PAXIP1: variants seen among roughly 807,000 people sequenced by gnomAD.
PAXIP1 encodes the protein PAX-interacting protein 1.
In PAXIP1, 19 loss-of-function variants were observed where a neutral mutation model predicts 140.6. The ratio of observed to expected loss-of-function variants is 0.14; its 90% CI spans 0.09 to 0.20. The LOEUF (loss-of-function observed/expected upper bound fraction) is 0.20. Ranked by LOEUF, PAXIP1 falls within the 10% of genes least tolerant of loss-of-function variation. The probability of loss-of-function intolerance (pLI) is 1.00; values close to 1 mark genes in which losing one functional copy is unlikely to be tolerated. For missense variants in PAXIP1, 920 were observed against 1,208.6 expected (o/e 0.76, Z 3.54); for synonymous variants, 442 against 444.6 (o/e 0.99, Z 0.07).
At chr7:155,002,475 G>A (rs1427586226) in intron 1 of PAXIP1, among the ~76,000 whole-genome samples, 1 of 152,020 alleles carries the variant, frequency 6.6e-6, no homozygotes, top group Non-Finnish European at 1.5e-5. Context: ...TCTCCCGGGA[G>A]CCGAGACGCC....
intron 2 of PAXIP1, among the ~76,000 whole-genome samples, chr7:154,995,607 T>C (rs796963205): frequency 6.6e-6 from 1 of 152,222 alleles, no homozygotes; most frequent in Non-Finnish European, 1.5e-5. Context: ...CTCAGCACTT[T>C]GGGAGGCCAA....
At position 154,990,037 on chromosome 7, in the gene PAXIP1, CTTTTTTTTTT is replaced by C. The variant is rs749788206; in HGVS notation, c.324+959_324+968del. Among the ~76,000 whole-genome samples the C allele has an allele frequency of 1.1e-4, 12 of 109,948 alleles. No individual in the cohort carries two copies. In the South Asian group the frequency reaches 1.9e-3, roughly 17 times the overall value. The allele number at this position is 109,948 out of a possible 152,430, so 72.1% of individuals were successfully genotyped here. A position where few individuals can be genotyped will look rare whatever the true frequency, so the allele number is the denominator to read the frequency against. ...TTCTATCGACTTGGGATAAGTTTCTCTTTTTTTTTTTTTTTTTTTTTGAGATGGAGTTTTG... is the reference window on the plus strand; with the variant it reads ...TTCTATCGACTTGGGATAAGTTTCTCTTTTTTTTTTTGAGATGGAGTTTTG... On this transcript the variant is annotated intron_variant, in intron 4 of 20. Transcript: ENST00000404141.
chr7:155,000,454 TGTAAACA>T (rs796690407), intron 1 of PAXIP1: 9 of 152,418 alleles, frequency 5.9e-5, no homozygotes, highest in African/African-American at 1.7e-4. Flanking sequence ...TCCCTCCACC[TGTAAACA>T]GTAAAGTCAC....
At chr7:154,944,463 A>G (rs1373510489) in intron 20 of PAXIP1, 1 of 232,040 alleles carries the variant, frequency 4.3e-6, no homozygotes, top group East Asian at 9.3e-5. Flanking sequence ...ATTAACATGT[A>G]CAACACACAA....
rs1808469128 is a variant in PAXIP1, at chr7:154,955,587, A to C, written c.2594T>G (p.Leu865Trp). The change falls in exon 15 of 21, where the codon TTG becomes TGG. Residue 865 changes from leucine (L) to tryptophan (W), a missense_variant. Leu to Trp is a moderately conservative substitution (Grantham distance 61). Coordinates refer to ENST00000404141, the MANE Select transcript of PAXIP1 (RefSeq NM_007349.4). ...TCCAGTGAAAAGCACAAAAGGGGTC[A>C]ATTCTGGAGTTAGCTTTTTAGTGGG... is the stretch of plus-strand genomic sequence containing the variant. ...PPPTKKLTPE[L>W]TPFVLFTGFE... 6 of 1,602,756 alleles carry C rather than the reference A, an allele frequency of 3.7e-6. No individual in the cohort carries two copies. The highest frequency in any genetic ancestry group is 5.1e-6 in the Non-Finnish European group (6 of 1,176,250).
intron 4 of PAXIP1, among the ~76,000 whole-genome samples, chr7:154,984,108 T>C (rs1809961332): frequency 6.6e-6 from 1 of 152,144 alleles, no homozygotes; most frequent in African/African-American, 2.4e-5. Flanking sequence ...GGAAACACAC[T>C]AAATTACACC....
In PAXIP1 at chr7:154,945,706, G is replaced by C. The variant is rs966974358; in HGVS notation, c.3194+659C>G. On this transcript the variant is annotated intron_variant, in intron 20 of 20. Transcript: ENST00000404141. ...AGGTGCTCTGCAATGGGAAACGGAA[G>C]TGGAAACAGAATTTTCCCATAAGGA... 12 of 985,302 alleles carry C rather than the reference G, an allele frequency of 1.2e-5. No homozygotes were observed. In the Admixed American group the frequency reaches 4.3e-4, roughly 35 times the overall value. The allele number at this position is 985,302 out of a possible 1,614,324, so 61.0% of individuals were successfully genotyped here.
At position 154,984,996 on chromosome 7, in the gene PAXIP1, G is replaced by A. The variant is rs570980463; in HGVS notation, c.325-1664C>T. Among the ~76,000 whole-genome samples, 11 of 152,234 alleles carry A rather than the reference G, an allele frequency of 7.2e-5. No individual in the cohort carries two copies. In the South Asian group the frequency reaches 8.3e-4, roughly 11 times the overall value. On this transcript the variant is annotated intron_variant, in intron 4 of 20. Coordinates refer to ENST00000404141, the MANE Select transcript of PAXIP1 (RefSeq NM_007349.4). ...AATGGAGGAGACCTGGCATTAATAC[G>A]ACGCCTCCAATAACTCGCTTATGTC...
At position 154,957,584 on chromosome 7, in the gene PAXIP1, T is replaced by C. The variant is rs114496888; in HGVS notation, c.2479-290A>G. Among the ~76,000 whole-genome samples the C allele has an allele frequency of 4.0e-3, 613 of 152,342 alleles. 4 individuals carry two copies. The highest frequency in any genetic ancestry group is 0.021 in the South Asian group (101 of 4,828). ...TTTAAATTATCTTTGTTGCTTTTTTTCCTCCATGTTATATATATGCAGCCC... is the reference window on the plus strand; with the variant it reads ...TTTAAATTATCTTTGTTGCTTTTTTCCCTCCATGTTATATATATGCAGCCC... On this transcript the variant is annotated intron_variant, in intron 13 of 20. Coordinates refer to ENST00000404141, the MANE Select transcript of PAXIP1 (RefSeq NM_007349.4).
chr7:154,975,156 C>CAA (rs61595965), intron 6 of PAXIP1, among the ~76,000 whole-genome samples: 2 of 106,878 alleles, frequency 1.9e-5, no homozygotes, highest in African/African-American at 3.6e-5. Flanking sequence ...GACTCCATCT[C>CAA]AAAAAAAAAA....
rs1000840923 is a variant in PAXIP1, at chr7:154,963,873, A to C, written c.1894-107T>G. The C allele has an allele frequency of 1.4e-6, 1 of 738,934 alleles. No homozygotes were observed. Among genetic ancestry groups the C allele is most frequent in the African/African-American group, 1.7e-5 (1 of 57,352 alleles). The allele number at this position is 738,934 out of a possible 1,614,324, so 45.8% of individuals were successfully genotyped here. ...AAAGACTCTATCATATATTTATATC[A>C]TGTATTTCCTCAAAGTATCAAGGAC... On this transcript the variant is annotated intron_variant, in intron 8 of 20. Coordinates refer to ENST00000404141, the MANE Select transcript of PAXIP1 (RefSeq NM_007349.4). The surrounding 1 kb of genome is among the most constrained non-coding windows in gnomAD (Gnocchi z 4.1).
At chr7:154,991,667 T>G (rs375240788) in intron 3 of PAXIP1, among the ~76,000 whole-genome samples, 1 of 152,218 alleles carries the variant, frequency 6.6e-6, no homozygotes, top group African/African-American at 2.4e-5. Flanking sequence ...TCTTAAAAAT[T>G]CATTCAAAAT....
chr7:154,954,177 G>T lies in PAXIP1; in HGVS notation c.2821+78C>A. On this transcript the variant is annotated intron_variant, in intron 16 of 20. Transcript: ENST00000404141. This position sits in a 1 kb window ranked among gnomAD's most constrained non-coding sequence, Gnocchi z 5.1. Reference sequence around the variant, plus strand: ...ATAGTTTAAAAATTAAATATTTGTTGGGATGAAAAGAGATGAATTCAAGAA... The same window carrying T: ...ATAGTTTAAAAATTAAATATTTGTTTGGATGAAAAGAGATGAATTCAAGAA... 2.1e-6 allele frequency: 2 copies of T among 967,656 alleles called. No individual in the cohort carries two copies. Among genetic ancestry groups the T allele is most frequent in the Non-Finnish European group, 2.9e-6 (2 of 695,252 alleles). 59.9% of individuals were successfully genotyped at this position (967,656 alleles called of 1,614,324 possible).
At chr7:154,995,984 T>C (rs1168857490) in intron 2 of PAXIP1, among the ~76,000 whole-genome samples, 1 of 152,238 alleles carries the variant, frequency 6.6e-6, no homozygotes, top group African/African-American at 2.4e-5. Context: ...TAAACATTTA[T>C]AAGATTCAAA....
At chr7:154,989,468 T>C (rs996250759) in intron 4 of PAXIP1, among the ~76,000 whole-genome samples, 1 of 152,208 alleles carries the variant, frequency 6.6e-6, no homozygotes, top group African/African-American at 2.4e-5. Context: ...GTATCACCTA[T>C]GAGCACCAAA....
intron 6 of PAXIP1, among the ~76,000 whole-genome samples, chr7:154,970,031 G>A (rs1177951289): frequency 4.6e-5 from 7 of 152,164 alleles, no homozygotes; most frequent in Non-Finnish European, 1.0e-4. Flanking sequence ...GAGAAGGACG[G>A]TGACCAGCAG....
In PAXIP1 at chr7:154,954,746, T is replaced by G. The variant is rs1441830099; in HGVS notation, c.2653-323A>C. Among the ~76,000 whole-genome samples, 4 of 152,084 alleles carry G rather than the reference T, an allele frequency of 2.6e-5. No individual in the cohort carries two copies. The highest frequency in any genetic ancestry group is 9.7e-5 in the African/African-American group (4 of 41,422). On this transcript the variant is annotated intron_variant, in intron 15 of 20. Transcript: ENST00000404141. This position sits in a 1 kb window ranked among gnomAD's most constrained non-coding sequence, Gnocchi z 5.1. ...ATGCAGCTCACTTCACAATGAAGAG[T>G]AAACAGCCAAGACTTCCTAGGCCAA... is the stretch of plus-strand genomic sequence containing the variant.
chr7:154,966,425 C>T (rs1809025917), intron 8 of PAXIP1, among the ~76,000 whole-genome samples: 1 of 152,202 alleles, frequency 6.6e-6, no homozygotes, highest in Admixed American at 6.5e-5. Context: ...ACATGGCCTT[C>T]AGTTGCAAAG....
Position 154,985,515 on chromosome 7 carries a change from T to C in PAXIP1, c.325-2183A>G, listed in dbSNP as rs544953292. Among the ~76,000 whole-genome samples the C allele has an allele frequency of 2.5e-3, 388 of 152,186 alleles. 1 individual carries two copies. The highest frequency in any genetic ancestry group is 4.0e-3 in the Non-Finnish European group (275 of 67,994). ...ACCCTCCGACCTCCTCCTCTAAGACTCAGCTCAGGTGGCATTACCACTGTA... is the reference window on the plus strand; with the variant it reads ...ACCCTCCGACCTCCTCCTCTAAGACCCAGCTCAGGTGGCATTACCACTGTA... On this transcript the variant is annotated intron_variant, in intron 4 of 20. Coordinates refer to ENST00000404141, the MANE Select transcript of PAXIP1 (RefSeq NM_007349.4).
Sources: allele counts gnomAD v4.1 joint callset (sites outside exome capture counted in the v4.1 genomes callset), GRCh38; gene constraint gnomAD v4.1.1; non-coding constraint Gnocchi (gnomAD v3.1); transcripts MANE v1.5; gene names NCBI Gene and HGNC (gene_info 2026-07-23, HGNC 2026-07-21).